The following FBXO4 variants were observed in gnomAD, a reference collection of about 807,000 sequenced individuals.
FBXO4 encodes the protein F-box only protein 4.
In FBXO4, 36 loss-of-function variants were observed where a neutral mutation model predicts 43.7. The ratio of observed to expected loss-of-function variants is 0.82; its 90% CI spans 0.63 to 1.09. The LOEUF is 1.09. FBXO4 is among the 50% of genes least tolerant of loss of function. The pLI is 0.00. For missense variants in FBXO4, 435 were observed against 474.1 expected (o/e 0.92, Z 0.77); for synonymous variants, 180 against 165.6 (o/e 1.09, Z -0.67).
Position 41,929,929 on chromosome 5 carries a change from G to T in FBXO4, c.646+12G>T, listed in dbSNP as rs762113112. On this transcript the variant is annotated intron_variant, in intron 3 of 6. Coordinates refer to ENST00000281623, the MANE Select transcript of FBXO4 (RefSeq NM_012176.3). The stretch of plus-strand genomic sequence containing the variant: ...GAGGCAGATTGATGGTAATTTTCAT[G>T]TTAATCTACAGTTAATTCAAACACT... 1 of 1,576,270 alleles carries T rather than the reference G, an allele frequency of 6.3e-7. No homozygotes were observed. Among genetic ancestry groups the T allele is most frequent in the South Asian group, 1.1e-5 (1 of 87,292 alleles).
the FBXO4 span, among the ~76,000 whole-genome samples, chr5:42,025,151 G>A: frequency 6.6e-6 from 1 of 151,760 alleles, no homozygotes; most frequent in African/African-American, 2.4e-5. Flanking sequence ...CATAGTGGTT[G>A]TACTAATTTA....
At chr5:42,008,319 G>A in the FBXO4 span, among the ~76,000 whole-genome samples, 3 of 152,110 alleles carry the variant, frequency 2.0e-5, no homozygotes, top group African/African-American at 7.2e-5. Context: ...TTGAGTTTTA[G>A]GGAGCTAGAC....
At chr5:41,983,057 T>C in the FBXO4 span, among the ~76,000 whole-genome samples, 2 of 152,212 alleles carry the variant, frequency 1.3e-5, no homozygotes, top group Non-Finnish European at 1.5e-5. Flanking sequence ...CTCATCCTTT[T>C]TTATGGCTGC....
the FBXO4 span, among the ~76,000 whole-genome samples, chr5:42,005,256 T>G: frequency 1.3e-5 from 2 of 152,170 alleles, no homozygotes; most frequent in Admixed American, 1.3e-4. Flanking sequence ...GAGTTTTACC[T>G]TGTTCTCCCT....
chr5:41,999,480 C>T, the FBXO4 span, among the ~76,000 whole-genome samples: 1,385 of 114,858 alleles, frequency 0.012, 57 homozygotes, highest in African/African-American at 0.049. Flanking sequence ...TATATATACA[C>T]ATATATATAT....
Position 41,939,463 on chromosome 5 carries a change from T to C in FBXO4, c.921T>C (p.Phe307=). 6.2e-7 allele frequency: 1 copy of C among 1,610,188 alleles called. No individual in the cohort carries two copies. The highest frequency in any genetic ancestry group is 1.1e-5 in the South Asian group (1 of 90,352). The change falls in exon 6 of 7, where the codon TTT becomes TTC. Residue 307 remains phenylalanine (F), a synonymous_variant. Transcript: ENST00000281623. ...TAGGACATGAATGGCAAGATGAATT[T>C]TCTCATATTATGGCAATGACAGATC... ...AHKRHEWQDE[F]SHIMAMTDPA...
chr5:42,018,299 T>C, the FBXO4 span, among the ~76,000 whole-genome samples: 1 of 151,896 alleles, frequency 6.6e-6, no homozygotes, highest in Non-Finnish European at 1.5e-5. Context: ...AACATAAAAA[T>C]TGATTATTGA....
chr5:41,983,410 C>A, the FBXO4 span, among the ~76,000 whole-genome samples: 31 of 148,838 alleles, frequency 2.1e-4, no homozygotes, highest in African/African-American at 7.3e-4. Flanking sequence ...TCAACTTTAG[C>A]ATTTTCTGTC....
the FBXO4 span, among the ~76,000 whole-genome samples, chr5:41,954,941 A>C: frequency 1.3e-5 from 2 of 152,218 alleles, no homozygotes; most frequent in Admixed American, 6.5e-5. Context: ...TGGTACTTAG[A>C]AAAACTATAA....
At chr5:42,001,924 T>C in the FBXO4 span, among the ~76,000 whole-genome samples, 1 of 152,158 alleles carries the variant, frequency 6.6e-6, no homozygotes, top group African/African-American at 2.4e-5. Flanking sequence ...CTTGACCTCC[T>C]GACCTTGGGC....
At chr5:42,020,834 G>A in the FBXO4 span, among the ~76,000 whole-genome samples, 188 of 152,312 alleles carry the variant, frequency 1.2e-3, no homozygotes, top group African/African-American at 4.5e-3. Context: ...AAGGGAAAGG[G>A]AGTTAGAATG....
At chr5:41,936,528 G>A (rs774095683) in intron 5 of FBXO4, among the ~76,000 whole-genome samples, 2 of 152,070 alleles carry the variant, frequency 1.3e-5, no homozygotes, top group Non-Finnish European at 2.9e-5. Flanking sequence ...GCGAGACCCT[G>A]TCCCCAACCC....
Position 41,925,350 on chromosome 5 carries a change from CGCCGCCCTTCAGCGACTGGG to C in FBXO4, c.48_67del (p.Phe17GlyfsTer31), listed in dbSNP as rs1439638441. 7.3e-7 allele frequency: 1 copy of C among 1,368,540 alleles called. No individual in the cohort carries two copies. The highest frequency in any genetic ancestry group is 9.5e-7 in the Non-Finnish European group (1 of 1,056,754). 84.8% of individuals were successfully genotyped at this position (1,368,540 alleles called of 1,614,324 possible). A position where few individuals can be genotyped will look rare whatever the true frequency, so the allele number is the denominator to read the frequency against. The stretch of plus-strand genomic sequence containing the variant: ...CCGCGCAGCGGAACAAACTCGCCGC[CGCCGCCCTTCAGCGACTGGG>C]GCCGCCTGGAGGCGGCCATCCTCAG... On this transcript the variant is annotated frameshift_variant, in exon 1 of 7. Transcript: ENST00000281623. LOFTEE classifies it high-confidence loss of function.
chr5:41,979,975 A>G, the FBXO4 span, among the ~76,000 whole-genome samples: 1 of 152,208 alleles, frequency 6.6e-6, no homozygotes, highest in African/African-American at 2.4e-5. Flanking sequence ...AAACAAAACA[A>G]AGAGATGCAT....
At chr5:41,936,691 C>CA (rs1751856582) in intron 5 of FBXO4, among the ~76,000 whole-genome samples, 1 of 151,972 alleles carries the variant, frequency 6.6e-6, no homozygotes. Context: ...ATAGTTCCTT[C>CA]AGTGGGCATA....
chr5:42,025,616 C>A, the FBXO4 span, among the ~76,000 whole-genome samples: 16 of 151,908 alleles, frequency 1.1e-4, no homozygotes, highest in South Asian at 2.3e-3. Flanking sequence ...TTTTTTTTCC[C>A]AGACGAATGT....
chr5:42,023,364 G>T, the FBXO4 span, among the ~76,000 whole-genome samples: 3 of 151,986 alleles, frequency 2.0e-5, no homozygotes, highest in African/African-American at 7.2e-5. Flanking sequence ...TTTGGGGAAT[G>T]CACCTCCTTC....
chr5:41,953,156 C>G, the FBXO4 span, among the ~76,000 whole-genome samples: 1 of 151,708 alleles, frequency 6.6e-6, no homozygotes, highest in Admixed American at 6.6e-5. Flanking sequence ...GTCCCCCCAC[C>G]CCACAACAGT....
chr5:41,993,618 G>GATATATATATATATATATATATATATAT, the FBXO4 span, among the ~76,000 whole-genome samples: 77 of 136,608 alleles, frequency 5.6e-4, 1 homozygote, highest in Non-Finnish European at 8.1e-4. Context: ...GAACTAATAG[G>GATATATATATATATATATATATATATAT]ATATATATAT....
Sources: gnomAD v4.1 joint callset for allele counts (sites outside exome capture counted in the v4.1 genomes callset) on GRCh38, gnomAD v4.1.1 for gene constraint, MANE v1.5 for transcripts, NCBI Gene and HGNC (gene_info 2026-07-23, HGNC 2026-07-21) for gene names.